Variants in ESRRG observed in about 807,000 individuals in gnomAD.
ESRRG encodes estrogen-related receptor gamma.
ESRRG carries 13 observed loss-of-function variants against 44.0 expected under a neutral mutation model. The ratio of observed to expected loss-of-function variants is 0.30; its 90% CI spans 0.19 to 0.47. The LOEUF is 0.47. ESRRG is among the 20% of genes least tolerant of loss of function. The probability of loss-of-function intolerance (pLI) is 1.00; values close to 1 mark genes in which losing one functional copy is unlikely to be tolerated. For synonymous variants in ESRRG, 215 were observed against 214.6 expected (o/e 1.00, Z -0.02); for missense variants, 395 against 580.6 (o/e 0.68, Z 3.29).
intron 1 of ESRRG, among the ~76,000 whole-genome samples, chr1:217,001,320 G>A (rs554909196): frequency 1.3e-3 from 196 of 152,234 alleles, no homozygotes; most frequent in Non-Finnish European, 2.0e-3. Flanking sequence ...CTTGATTACC[G>A]TCTTTACAGA....
intron 2 of ESRRG, among the ~76,000 whole-genome samples, chr1:216,761,174 AT>A (rs1012476340): frequency 1.9e-4 from 29 of 150,976 alleles, no homozygotes; most frequent in Middle Eastern, 3.4e-3. Flanking sequence ...AAAAAAAAAA[AT>A]TTTCTTGTTC....
intron 6 of ESRRG, among the ~76,000 whole-genome samples, chr1:216,517,713 T>C (rs17042719): frequency 0.081 from 12,401 of 152,192 alleles, 633 homozygotes; most frequent in Admixed American, 0.17. Flanking sequence ...AGAAAATTTC[T>C]ACCCCATCTC....
upstream of ESRRG, among the ~76,000 whole-genome samples, chr1:217,091,351 T>A (rs2092342231): frequency 1.3e-5 from 2 of 152,150 alleles, no homozygotes. Context: ...AGAGAAAAAC[T>A]TTTGAATTCA....
At chr1:216,768,405 T>G (rs1576334766) in intron 2 of ESRRG, among the ~76,000 whole-genome samples, 1 of 152,250 alleles carries the variant, frequency 6.6e-6, no homozygotes, top group East Asian at 1.9e-4. Context: ...TGACTGCATA[T>G]AATTATCCTG....
chr1:216,862,115 C>G (rs2096063545), intron 2 of ESRRG: 1 of 152,120 alleles, frequency 6.6e-6, no homozygotes, highest in African/African-American at 2.4e-5. Context: ...GGAAGACAAA[C>G]AGCTTGACAG....
At chr1:216,991,457 G>T (rs1560392390) in intron 1 of ESRRG, among the ~76,000 whole-genome samples, 1 of 152,114 alleles carries the variant, frequency 6.6e-6, no homozygotes, top group Non-Finnish European at 1.5e-5. Flanking sequence ...CCTACTCTGG[G>T]CCAAGCACTG....
chr1:216,668,082 A>G, intron 2 of ESRRG, among the ~76,000 whole-genome samples: 1 of 151,658 alleles, frequency 6.6e-6, no homozygotes, highest in East Asian at 1.9e-4. Flanking sequence ...GGGTGACAGA[A>G]CGAGACTCCA....
intron 3 of ESRRG, among the ~76,000 whole-genome samples, chr1:216,576,445 G>T (rs570062943): frequency 1.3e-5 from 2 of 151,888 alleles, no homozygotes; most frequent in Non-Finnish European, 2.9e-5. Flanking sequence ...GCAAGGGGAA[G>T]TCTTTCGTTT....
chr1:216,558,387 G>A (rs1416777324), intron 5 of ESRRG, among the ~76,000 whole-genome samples: 1 of 151,936 alleles, frequency 6.6e-6, no homozygotes, highest in Non-Finnish European at 1.5e-5. Flanking sequence ...TCCTGCCCAT[G>A]TAGAATAAAA....
chr1:216,893,674 GCAAGAAATA>G (rs1024316966), intron 2 of ESRRG, among the ~76,000 whole-genome samples: 7 of 151,196 alleles, frequency 4.6e-5, no homozygotes, highest in African/African-American at 1.7e-4. Flanking sequence ...AAACACACAG[GCAAGAAATA>G]CATACTAAAG....
At chr1:216,861,500 G>A (rs80102648) in intron 2 of ESRRG, among the ~76,000 whole-genome samples, 9 of 151,942 alleles carry the variant, frequency 5.9e-5, no homozygotes, top group South Asian at 4.2e-4. Flanking sequence ...ATTATTATAC[G>A]TCAATTAAAA....
chr1:216,898,791 C>T (rs1272132661), intron 2 of ESRRG, among the ~76,000 whole-genome samples: 1 of 152,164 alleles, frequency 6.6e-6, no homozygotes. Context: ...TTCTAGGTCA[C>T]TGCACCACAG....
intron 1 of ESRRG, among the ~76,000 whole-genome samples, chr1:216,692,300 C>T (rs981580095): frequency 3.7e-5 from 4 of 108,898 alleles, no homozygotes; most frequent in Non-Finnish European, 7.4e-5. Context: ...CTGTGTAGGC[C>T]TAGGCTAGTG....
intron 5 of ESRRG, among the ~76,000 whole-genome samples, chr1:216,556,495 G>T (rs979766196): frequency 6.6e-6 from 1 of 152,154 alleles, no homozygotes; most frequent in Non-Finnish European, 1.5e-5. Context: ...ATCTTTCTGT[G>T]TGTAAAATAA....
chr1:216,821,923 G>A (rs529104168), intron 2 of ESRRG, among the ~76,000 whole-genome samples: 3 of 151,752 alleles, frequency 2.0e-5, no homozygotes, highest in Non-Finnish European at 2.9e-5. Flanking sequence ...CTGGCTCTAC[G>A]TGGGTTCAAA....
At chr1:217,117,258 G>A (rs1055250104) in intron 1 of ESRRG, among the ~76,000 whole-genome samples, 9 of 152,144 alleles carry the variant, frequency 5.9e-5, no homozygotes, top group African/African-American at 1.9e-4. Context: ...TATGGATTAA[G>A]TAAAATGATT....
intron 2 of ESRRG, among the ~76,000 whole-genome samples, chr1:216,728,592 C>T (rs2088044576): frequency 6.6e-6 from 1 of 151,764 alleles, no homozygotes; most frequent in Non-Finnish European, 1.5e-5. Flanking sequence ...GCTTTGATAC[C>T]AGTAAAATGA....
intron 1 of ESRRG, among the ~76,000 whole-genome samples, chr1:217,065,942 T>C (rs2089581962): frequency 6.6e-6 from 1 of 152,172 alleles, no homozygotes. Context: ...GTTCCTTACA[T>C]TTTCTATCAG....
chr1:217,023,240 G>A (rs1394632604), intron 1 of ESRRG, among the ~76,000 whole-genome samples: 1 of 152,136 alleles, frequency 6.6e-6, no homozygotes, highest in Non-Finnish European at 1.5e-5. Context: ...TTTCAGAAAT[G>A]GAATCAGCTG....
Sources: allele counts gnomAD v4.1 joint callset (sites outside exome capture counted in the v4.1 genomes callset), GRCh38; gene constraint gnomAD v4.1.1; transcripts MANE v1.5; gene names NCBI Gene and HGNC (gene_info 2026-07-23, HGNC 2026-07-21).